GUCY1A2: variants seen among roughly 807,000 people sequenced by gnomAD.
The protein encoded by GUCY1A2 is guanylate cyclase soluble subunit alpha-2.
In GUCY1A2, 27 loss-of-function variants were observed where a neutral mutation model predicts 63.5. That is an observed-to-expected ratio of 0.43 (90% CI 0.31 to 0.59). GUCY1A2 has a LOEUF of 0.59. Among genes scored for constraint, GUCY1A2 ranks in the 20% least tolerant of loss-of-function variants. GUCY1A2 has a pLI of 0.11. For missense variants in GUCY1A2, 768 were observed against 913.3 expected (o/e 0.84, Z 2.05); for synonymous variants, 364 against 343.5 (o/e 1.06, Z -0.66).
rs142610329 is a variant in GUCY1A2, at chr11:106,828,348, G to A, written c.1207-17870C>T. ...AGTTGCAAGTATTATGTTTAGGTCT[G>A]TGATCCATCTTGAGTTGATTTTTGA... On this transcript the variant is annotated intron_variant, in intron 4 of 7. Transcript: ENST00000526355. Among the ~76,000 whole-genome samples the A allele has an allele frequency of 4.0e-3, 609 of 151,980 alleles. 7 individuals are homozygous for A. The highest frequency in any genetic ancestry group is 0.014 in the African/African-American group (593 of 41,468).
At chr11:106,827,721 GA>G (rs2135434578) in intron 4 of GUCY1A2, 1 of 1,541,980 alleles carries the variant, frequency 6.5e-7, no homozygotes, top group South Asian at 1.1e-5. Context: ...CAATATTTTA[GA>G]AATCTGCTTG....
At chr11:106,824,948 T>C in intron 4 of GUCY1A2, 1 of 1,613,384 alleles carries the variant, frequency 6.2e-7, no homozygotes, top group Non-Finnish European at 8.5e-7. Context: ...GAAAAATCGA[T>C]GATGCCTGAC....
At chr11:106,934,680 A>G (rs998984890) in intron 4 of GUCY1A2, among the ~76,000 whole-genome samples, 31 of 152,228 alleles carry the variant, frequency 2.0e-4, no homozygotes, top group Admixed American at 2.0e-3. Flanking sequence ...TCTGGGAATT[A>G]AAAAAGAAAT....
intron 1 of GUCY1A2, among the ~76,000 whole-genome samples, chr11:106,986,338 T>C (rs1443404981): frequency 6.6e-6 from 1 of 152,184 alleles, no homozygotes; most frequent in Non-Finnish European, 1.5e-5. Flanking sequence ...CTTCCCAATT[T>C]CAATTATGAT....
intron 5 of GUCY1A2, among the ~76,000 whole-genome samples, chr11:106,808,847 A>G (rs1858727746): frequency 6.6e-6 from 1 of 152,136 alleles, no homozygotes; most frequent in Admixed American, 6.6e-5. Context: ...AGAATCAGAC[A>G]TTTGGCTACC....
intron 4 of GUCY1A2, among the ~76,000 whole-genome samples, chr11:106,839,619 A>T (rs1026637190): frequency 5.9e-5 from 9 of 151,968 alleles, no homozygotes; most frequent in Non-Finnish European, 1.5e-5. Context: ...CAAATGTCCA[A>T]CAATGATAGA....
chr11:106,950,396 C>T (rs1430538895), intron 3 of GUCY1A2, among the ~76,000 whole-genome samples: 1 of 152,194 alleles, frequency 6.6e-6, no homozygotes, highest in Non-Finnish European at 1.5e-5. Context: ...CAGACATGAG[C>T]TAATTACAAA....
intron 4 of GUCY1A2, 80 bp from the exon 5 acceptor site, chr11:106,810,558 G>C: frequency 1.6e-6 from 2 of 1,212,690 alleles, no homozygotes; most frequent in South Asian, 1.7e-5. Context: ...CTGATGAATA[G>C]AAAGAAAAAA....
intron 4 of GUCY1A2, among the ~76,000 whole-genome samples, chr11:106,835,844 A>G (rs1859110052): frequency 6.6e-6 from 1 of 151,958 alleles, no homozygotes; most frequent in African/African-American, 2.4e-5. Context: ...TGAATAACAC[A>G]AAAGAAAATT....
chr11:106,755,099 T>C (rs559248890), intron 6 of GUCY1A2, among the ~76,000 whole-genome samples: 1 of 152,200 alleles, frequency 6.6e-6, no homozygotes, highest in Non-Finnish European at 1.5e-5. Flanking sequence ...TGTCCAGGAA[T>C]TTATCAGTTT....
At chr11:106,849,572 C>A (rs1168581744) in intron 4 of GUCY1A2, among the ~76,000 whole-genome samples, 1 of 151,452 alleles carries the variant, frequency 6.6e-6, no homozygotes, top group Non-Finnish European at 1.5e-5. Flanking sequence ...ATACGAGCTA[C>A]AAAATGTGAT....
chr11:106,703,522 T>A (rs1391818390), intron 7 of GUCY1A2, among the ~76,000 whole-genome samples: 3 of 143,750 alleles, frequency 2.1e-5, no homozygotes, highest in Non-Finnish European at 3.0e-5. Context: ...TTATTGGCTT[T>A]GATGATGGAA....
rs1262882343 is a variant in GUCY1A2 at position 106,681,891 on chromosome 11, CTAAGTAT to C, written c.*5651_*5657del. 6 of 213,628 alleles carry C rather than the reference CTAAGTAT, an allele frequency of 2.8e-5. No homozygotes were observed. The Admixed American group carries it at 3.5e-4, about 13-fold the overall frequency. 13.2% of individuals were successfully genotyped at this position (213,628 alleles called of 1,614,324 possible). ...TCAATATGAAAAGTACATAGTGAGACTAAGTATTAAGTTGATGTCTTTTCATGACATA... is the reference window on the plus strand; with the variant it reads ...TCAATATGAAAAGTACATAGTGAGACTAAGTTGATGTCTTTTCATGACATA... On this transcript the variant is annotated 3_prime_UTR_variant, in exon 8 of 8. Coordinates refer to ENST00000526355, the MANE Select transcript of GUCY1A2 (RefSeq NM_000855.3).
rs191869715 is a variant in GUCY1A2 at position 107,016,154 on chromosome 11, C to T, written c.303+1599G>A. Among the ~76,000 whole-genome samples, 748 of 152,302 alleles carry T rather than the reference C, an allele frequency of 4.9e-3. 23 individuals carry two copies. Among genetic ancestry groups the T allele is most frequent in the East Asian group, 2.3e-3 (12 of 5,188 alleles). On this transcript the variant is annotated intron_variant, in intron 1 of 7. Transcript: ENST00000526355. ...CCACTCCTTCTTAGGTCCCCCCTAC[C>T]ATCATTTGCAGTAGTAATCTCAAAA...
chr11:106,823,731 T>G (rs749275545), intron 4 of GUCY1A2, among the ~76,000 whole-genome samples: 2 of 152,152 alleles, frequency 1.3e-5, no homozygotes, highest in Non-Finnish European at 2.9e-5. Context: ...AAACATCTAT[T>G]GTTTTTCGAC....
Position 106,939,643 on chromosome 11 carries a change from C to T in GUCY1A2, c.1023G>A (p.Gln341=), listed in dbSNP as rs1409020605. ...LMFDPSMSVL[Q]LGEGLRKQLR... ...GCTGCTTCCTTAGACCTTCCCCCAA[C>T]TGAAGGACTGACATGCTGGGATCAA... is the stretch of plus-strand genomic sequence containing the variant. The change falls in exon 4 of 8, where the codon CAG becomes CAA. Residue 341 remains glutamine, a synonymous_variant. Transcript: ENST00000526355. 2 of 1,613,950 alleles carry T rather than the reference C, an allele frequency of 1.2e-6. No homozygotes were observed.
intron 4 of GUCY1A2, among the ~76,000 whole-genome samples, chr11:106,927,190 G>A (rs752627114): frequency 3.3e-5 from 5 of 151,586 alleles, no homozygotes; most frequent in Non-Finnish European, 5.9e-5. Flanking sequence ...TGGTGAACAC[G>A]GTGAAACCCT....
chr11:106,866,481 G>A (rs1269161083), intron 4 of GUCY1A2, among the ~76,000 whole-genome samples: 2 of 152,198 alleles, frequency 1.3e-5, no homozygotes, highest in East Asian at 3.9e-4. Context: ...GATTTGGAGA[G>A]AGAATGAACT....
intron 6 of GUCY1A2, among the ~76,000 whole-genome samples, chr11:106,746,897 G>A (rs995793632): frequency 9.9e-5 from 15 of 152,172 alleles, no homozygotes; most frequent in East Asian, 1.9e-4. Context: ...GCACCCACGT[G>A]ATAAAAAATG....
Sources: gnomAD v4.1 joint callset for allele counts (sites outside exome capture counted in the v4.1 genomes callset) on GRCh38, gnomAD v4.1.1 for gene constraint, MANE v1.5 for transcripts, NCBI Gene and HGNC (gene_info 2026-07-23, HGNC 2026-07-21) for gene names.